The following ROR2 variants were observed in gnomAD, a reference collection of about 807,000 sequenced individuals.
The protein encoded by ROR2 is ROR family WNT receptor 2, also known as tyrosine-protein kinase transmembrane receptor ROR2.
Under a neutral mutation model 74.9 loss-of-function variants are expected in ROR2, and 33 were observed. The observed-to-expected ratio is 0.44, with a 90% CI of 0.33 to 0.59. ROR2 has a LOEUF of 0.59. Ranked by LOEUF, ROR2 falls within the 20% of genes least tolerant of loss-of-function variation. The pLI, the probability that ROR2 is intolerant of heterozygous loss-of-function variation, is 0.02. For missense variants in ROR2, 1,216 were observed against 1,313.8 expected (o/e 0.93, Z 1.15); for synonymous variants, 586 against 558.7 (o/e 1.05, Z -0.69).
intron 2 of ROR2, among the ~76,000 whole-genome samples, chr9:91,767,711 T>C (rs776628439): frequency 2.6e-5 from 4 of 152,322 alleles, no homozygotes; most frequent in Admixed American, 6.5e-5. Context: ...GAGTGGTGCA[T>C]GCAGCCAGCT....
chr9:91,724,749 G>T lies in ROR2; in HGVS notation c.1745C>A (p.Thr582Lys). The change falls in exon 9 of 9, where the codon ACG becomes AAG. Residue 582 changes from threonine to lysine, a missense_variant. Physicochemically the swap from Thr to Lys is moderately conservative, Grantham distance 78. Transcript: ENST00000375708. ...SDVGSTDDDR[T>K]VKSALEPPDF... ...GGGGGGCTCCAGGGCGGACTTCACC[G>T]TGCGGTCATCATCGGTGCTGCCCAC... The T allele has an allele frequency of 6.2e-7, 1 of 1,614,040 alleles. No individual in the cohort carries two copies. Among genetic ancestry groups the T allele is most frequent in the South Asian group, 1.1e-5 (1 of 91,072 alleles).
At position 91,733,137 on chromosome 9, in the gene ROR2, C is replaced by A; in HGVS notation, c.922G>T (p.Glu308Ter). 1 of 1,595,852 alleles carries A rather than the reference C, an allele frequency of 6.3e-7. No homozygotes were observed. The change falls in exon 6 of 9, where the codon GAG becomes TAG. Residue 308 changes from glutamate to a stop codon, truncating the protein, a stop_gained. Coordinates refer to ENST00000375708, the MANE Select transcript of ROR2 (RefSeq NM_004560.4). LOFTEE classifies it high-confidence loss of function. This position sits in a 1 kb window ranked among gnomAD's most constrained non-coding sequence, Gnocchi z 5.7. ...ANCMRIGIPA[E>*]RLGRYHQCYN... is the part of the protein sequence containing the mutation. The stretch of plus-strand genomic sequence containing the variant: ...GGGCACTCACAGCGGCCCAGCCTCT[C>A]GGCTGGGATGCCAATGCGCATGCAG...
At chr9:91,730,873 A>G (rs1343155887) in intron 7 of ROR2, 37 bp downstream of exon 7, 2 of 1,613,610 alleles carry the variant, frequency 1.2e-6, no homozygotes, top group East Asian at 4.5e-5. Context: ...TTCACTCAAC[A>G]ATCAACACAT....
At chr9:91,764,005 G>A (rs1724835263) in intron 2 of ROR2, among the ~76,000 whole-genome samples, 4 of 152,098 alleles carry the variant, frequency 2.6e-5, no homozygotes, top group Admixed American at 2.6e-4. Flanking sequence ...CAAGCTTGTT[G>A]ATTTTGTTTT....
intron 1 of ROR2, among the ~76,000 whole-genome samples, chr9:91,892,052 G>GAAAAAAAAA (rs74312809): frequency 2.8e-5 from 2 of 71,030 alleles, no homozygotes; most frequent in South Asian, 5.5e-4. Flanking sequence ...TGTCTAAGAA[G>GAAAAAAAAA]AAAAAAAAAA....
In ROR2 at chr9:91,727,491, C is replaced by G. The variant is rs369977268; in HGVS notation, c.1184-748G>C. Reference sequence around the variant, plus strand: ...AGGTACAGGGGGCACACCAGGCAGGCTGAGGTGACCTCAGATTCTGAGCAG... The same window carrying G: ...AGGTACAGGGGGCACACCAGGCAGGGTGAGGTGACCTCAGATTCTGAGCAG... On this transcript the variant is annotated intron_variant, in intron 7 of 8. Transcript: ENST00000375708. Among the ~76,000 whole-genome samples the G allele has an allele frequency of 1.4e-4, 21 of 152,058 alleles. No individual in the cohort carries two copies. In the South Asian group the frequency reaches 2.9e-3, roughly 21 times the overall value.
intron 1 of ROR2, among the ~76,000 whole-genome samples, chr9:91,886,175 C>G (rs952494451): frequency 2.0e-5 from 3 of 152,120 alleles, no homozygotes; most frequent in African/African-American, 7.2e-5. Context: ...CGCCCCCGGC[C>G]ATGGTTACTT....
intron 1 of ROR2, among the ~76,000 whole-genome samples, chr9:91,792,305 A>T (rs71494479): frequency 0.083 from 10,727 of 129,720 alleles, 477 homozygotes; most frequent in Middle Eastern, 0.12. Flanking sequence ...AGTTGGTTCT[A>T]TTTTTTTTTT....
At position 91,905,594 on chromosome 9, in the gene ROR2, C is replaced by T. The variant is rs956614540; in HGVS notation, c.97+44273G>A. ...ATACAACACATACACAAACATCACA[C>T]ATGCCACACACAACACATATACAGA... On this transcript the variant is annotated intron_variant, in intron 1 of 8. Transcript: ENST00000375708. The surrounding 1 kb of genome is among the most constrained non-coding windows in gnomAD (Gnocchi z 5.3). Among the ~76,000 whole-genome samples, 16 of 151,968 alleles carry T rather than the reference C, an allele frequency of 1.1e-4. No homozygotes were observed. Among genetic ancestry groups the T allele is most frequent in the Admixed American group, 4.6e-4 (7 of 15,232 alleles).
intron 1 of ROR2, among the ~76,000 whole-genome samples, chr9:91,857,372 G>A (rs1281322213): frequency 2.0e-5 from 3 of 152,218 alleles, no homozygotes; most frequent in Admixed American, 6.5e-5. Context: ...GTCCCAGCTT[G>A]GAGCAAGGGC....
At chr9:91,758,379 G>T (rs767252006) in intron 2 of ROR2, among the ~76,000 whole-genome samples, 10 of 152,252 alleles carry the variant, frequency 6.6e-5, no homozygotes, top group South Asian at 2.1e-4. Context: ...CGCTCAGAAA[G>T]TCCCTCCTCC....
chr9:91,785,582 A>G (rs1826769311), intron 1 of ROR2, among the ~76,000 whole-genome samples: 1 of 152,200 alleles, frequency 6.6e-6, no homozygotes, highest in Admixed American at 6.5e-5. Context: ...CATCATGTTC[A>G]TTTTGCACGA....
intron 3 of ROR2, 64 bp downstream of exon 3, chr9:91,757,208 C>T: frequency 6.2e-7 from 1 of 1,603,378 alleles, no homozygotes; most frequent in South Asian, 1.1e-5. Flanking sequence ...GCAACTGGAC[C>T]TCTTGCTCGG....
chr9:91,828,750 A>G (rs1213637394), intron 1 of ROR2, among the ~76,000 whole-genome samples: 2 of 152,196 alleles, frequency 1.3e-5, no homozygotes, highest in Admixed American at 1.3e-4. Context: ...TTCTCTTAAA[A>G]ATAGTAATTG....
intron 2 of ROR2, among the ~76,000 whole-genome samples, chr9:91,775,271 T>G (rs1826381738): frequency 6.6e-6 from 1 of 152,186 alleles, no homozygotes; most frequent in African/African-American, 2.4e-5. Flanking sequence ...GGAAACTTGT[T>G]CTATTGACCC....
At chr9:91,836,419 A>G (rs2119201980) in intron 1 of ROR2, among the ~76,000 whole-genome samples, 1 of 152,226 alleles carries the variant, frequency 6.6e-6, no homozygotes, top group East Asian at 1.9e-4. Flanking sequence ...GCGTGCCTGT[A>G]GTCCCAGCTA....
chr9:91,853,584 A>G (rs111360530), intron 1 of ROR2, among the ~76,000 whole-genome samples: 7 of 152,132 alleles, frequency 4.6e-5, no homozygotes, highest in African/African-American at 1.7e-4. Flanking sequence ...CCCGAGGAGT[A>G]GTATCCACCC....
In ROR2 at chr9:91,880,839, A is replaced by G. The variant is rs541843286; in HGVS notation, c.97+69028T>C. Among the ~76,000 whole-genome samples, 4 of 152,374 alleles carry G rather than the reference A, an allele frequency of 2.6e-5. No homozygotes were observed. The South Asian group carries it at 8.3e-4, about 32-fold the overall frequency. On this transcript the variant is annotated intron_variant, in intron 1 of 8. Coordinates refer to ENST00000375708, the MANE Select transcript of ROR2 (RefSeq NM_004560.4). ...GTTCCAGACTGGAGGAGACTCCAGA[A>G]GCACAGAGCCAAATGACCCTGCAGT...
intron 1 of ROR2, among the ~76,000 whole-genome samples, chr9:91,929,713 C>T (rs1425668518): frequency 6.6e-6 from 1 of 152,118 alleles, no homozygotes; most frequent in African/African-American, 2.4e-5. Context: ...CCCAAAGGAG[C>T]CTCAACTCTA....
Sources: gnomAD v4.1 joint callset for allele counts (sites outside exome capture counted in the v4.1 genomes callset) on GRCh38, gnomAD v4.1.1 for gene constraint, Gnocchi (gnomAD v3.1) non-coding constraint, MANE v1.5 for transcripts, NCBI Gene and HGNC (gene_info 2026-07-23, HGNC 2026-07-21) for gene names.